ARHGAP35: variants seen among roughly 807,000 people sequenced by gnomAD.
ARHGAP35 encodes Rho GTPase activating protein 35.
ARHGAP35 carries 15 observed loss-of-function variants against 111.1 expected under a neutral mutation model. The ratio of observed to expected loss-of-function variants is 0.13; its 90% CI spans 0.09 to 0.21. The LOEUF (loss-of-function observed/expected upper bound fraction) is 0.21. Ranked by LOEUF, ARHGAP35 falls within the 10% of genes least tolerant of loss-of-function variation. The probability of loss-of-function intolerance (pLI) is 1.00; values close to 1 mark genes in which losing one functional copy is unlikely to be tolerated. For missense variants in ARHGAP35, 1,262 were observed against 1,873.0 expected (o/e 0.67, Z 6.02); for synonymous variants, 643 against 710.3 (o/e 0.91, Z 1.51).
chr19:47,003,913 G>GACACACACAC lies in ARHGAP35; in HGVS notation c.*3229_*3230insACACACACAC, dbSNP rs375875258. The GACACACACAC allele has an allele frequency of 3.2e-4, 39 of 120,396 alleles. No homozygotes were observed. Among genetic ancestry groups the GACACACACAC allele is most frequent in the African/African-American group, 9.7e-4 (31 of 32,044 alleles). The allele number at this position is 120,396 out of a possible 1,614,324, so 7.5% of individuals were successfully genotyped here. A position where few individuals can be genotyped will look rare whatever the true frequency, so the allele number is the denominator to read the frequency against. ...CCCCCGCAGGCCACCAGGCATTCTG[G>GACACACACAC]ACACGCACACACACACACACACACA... On this transcript the variant is annotated 3_prime_UTR_variant, in exon 7 of 7. Transcript: ENST00000672722.
chr19:46,983,420 A>G (rs1012314578), intron 3 of ARHGAP35, among the ~76,000 whole-genome samples: 3 of 152,136 alleles, frequency 2.0e-5, no homozygotes, highest in Non-Finnish European at 4.4e-5. Context: ...CATTTGATAA[A>G]TGGCTTATCA....
At chr19:46,949,855 A>G (rs1446761698) in intron 3 of ARHGAP35, among the ~76,000 whole-genome samples, 1 of 152,220 alleles carries the variant, frequency 6.6e-6, no homozygotes, top group Non-Finnish European at 1.5e-5. Flanking sequence ...TTATTTTGGT[A>G]GCTCCTGTCA....
chr19:46,955,871 T>C (rs561734983), intron 3 of ARHGAP35, among the ~76,000 whole-genome samples: 1 of 152,332 alleles, frequency 6.6e-6, no homozygotes, highest in East Asian at 1.9e-4. Flanking sequence ...TGAGCCTGCA[T>C]ACTACACCCA....
intron 1 of ARHGAP35, among the ~76,000 whole-genome samples, chr19:46,880,051 A>G (rs1371438288): frequency 6.6e-6 from 1 of 152,038 alleles, no homozygotes; most frequent in Non-Finnish European, 1.5e-5. Flanking sequence ...GTGCCACTGC[A>G]CTCCAGCCTG....
chr19:46,919,548 C>A lies in ARHGAP35; in HGVS notation c.873C>A (p.Asn291Lys), dbSNP rs747969604. 1 of 1,613,954 alleles carries A rather than the reference C, an allele frequency of 6.2e-7. No individual in the cohort carries two copies. The highest frequency in any genetic ancestry group is 1.1e-5 in the South Asian group (1 of 91,082). ...GCATTGTGAAAAACCACAATGAGAA[C>A]TGGCTGAGTGTCAGCCGAAAGATGC... Reference protein sequence around the residue: ...VSRIVKNHNENWLSVSRKMQA... With the variant: ...VSRIVKNHNEKWLSVSRKMQA... Residue 291 changes from asparagine to lysine, a missense_variant, in exon 2 of 7, where the codon AAC becomes AAA. By Grantham distance (94) the Asn-to-Lys change is moderately conservative. Coordinates refer to ENST00000672722, the MANE Select transcript of ARHGAP35 (RefSeq NM_004491.5). This position sits in a 1 kb window ranked among gnomAD's most constrained non-coding sequence, Gnocchi z 6.2.
chr19:46,877,928 G>C (rs185861544), intron 1 of ARHGAP35, among the ~76,000 whole-genome samples: 4 of 151,974 alleles, frequency 2.6e-5, no homozygotes, highest in Admixed American at 2.0e-4. Flanking sequence ...AGCTGGTCTC[G>C]AACTCCTGAC....
intron 3 of ARHGAP35, among the ~76,000 whole-genome samples, chr19:46,959,534 G>A (rs2056464450): frequency 6.6e-6 from 1 of 151,526 alleles, no homozygotes; most frequent in Admixed American, 6.6e-5. Context: ...CAAGTAGCTG[G>A]GATTACAGGC....
At chr19:46,873,585 C>T (rs2055899343) in intron 1 of ARHGAP35, among the ~76,000 whole-genome samples, 1 of 148,660 alleles carries the variant, frequency 6.7e-6, no homozygotes, top group South Asian at 2.1e-4. Context: ...TTGCAGTGAG[C>T]TGAGATCGCG....
At chr19:46,874,185 G>A (rs2055903342) in intron 1 of ARHGAP35, among the ~76,000 whole-genome samples, 1 of 152,168 alleles carries the variant, frequency 6.6e-6, no homozygotes, top group Admixed American at 6.5e-5. Flanking sequence ...GAGGATAGAG[G>A]TAGAGGTCTA....
intron 1 of ARHGAP35, among the ~76,000 whole-genome samples, chr19:46,879,799 A>G (rs2055949815): frequency 6.7e-6 from 1 of 149,244 alleles, no homozygotes. Context: ...AAAAAAAAAA[A>G]AAATCGCTGG....
intron 1 of ARHGAP35, among the ~76,000 whole-genome samples, chr19:46,911,682 C>G (rs143310795): frequency 7.2e-5 from 11 of 152,284 alleles, no homozygotes; most frequent in African/African-American, 1.7e-4. Flanking sequence ...AGGGGTATTG[C>G]TTCAGATTCT....
chr19:46,954,369 A>G (rs867187083), intron 3 of ARHGAP35, among the ~76,000 whole-genome samples: 3 of 152,228 alleles, frequency 2.0e-5, no homozygotes, highest in Admixed American at 6.5e-5. Context: ...AGAGTCCTCC[A>G]TCAGGGATCT....
At chr19:46,934,974 T>C (rs529567285) in intron 2 of ARHGAP35, among the ~76,000 whole-genome samples, 2 of 152,346 alleles carry the variant, frequency 1.3e-5, no homozygotes, top group South Asian at 4.1e-4. Flanking sequence ...TGCCCAGCCT[T>C]AAATTCTTTA....
chr19:46,877,666 C>T (rs1306823235), intron 1 of ARHGAP35, among the ~76,000 whole-genome samples: 1 of 152,016 alleles, frequency 6.6e-6, no homozygotes, highest in Non-Finnish European at 1.5e-5. Flanking sequence ...AAGTATATAC[C>T]TTAATTTAAA....
intron 1 of ARHGAP35, among the ~76,000 whole-genome samples, chr19:46,876,794 G>C (rs1187547087): frequency 6.6e-6 from 1 of 152,140 alleles, no homozygotes. Flanking sequence ...TGAGCACGTG[G>C]CTGGACTTGG....
In ARHGAP35 at chr19:46,880,346, C is replaced by T. The variant is rs575354624; in HGVS notation, c.-189+19137C>T. The stretch of plus-strand genomic sequence containing the variant: ...ACTCGGGAGGCTGAGGCAGGAGAAT[C>T]GCTTGAACCCAGGAGGCGGAAGTTG... On this transcript the variant is annotated intron_variant, in intron 1 of 6. Transcript: ENST00000672722. Among the ~76,000 whole-genome samples the T allele has an allele frequency of 7.3e-5, 11 of 151,312 alleles. No individual in the cohort carries two copies. The East Asian group carries it at 1.8e-3, about 24-fold the overall frequency.
rs186062421 is a variant in ARHGAP35 at position 46,922,488 on chromosome 19, A to C, written c.3681+132A>C. On this transcript the variant is annotated intron_variant, in intron 2 of 6. Coordinates refer to ENST00000672722, the MANE Select transcript of ARHGAP35 (RefSeq NM_004491.5). The surrounding 1 kb of genome is among the most constrained non-coding windows in gnomAD (Gnocchi z 4.0). Reference sequence around the variant, plus strand: ...GCCCTGTGTGTGTATTTGACTTAACATAAAAAAGCAGTGCCTCAATTAGCT... The same window carrying C: ...GCCCTGTGTGTGTATTTGACTTAACCTAAAAAAGCAGTGCCTCAATTAGCT... The C allele has an allele frequency of 3.8e-4, 339 of 888,034 alleles. 1 individual carries two copies. In the African/African-American group the frequency reaches 5.1e-3, roughly 13 times the overall value. 55.0% of individuals were successfully genotyped at this position (888,034 alleles called of 1,614,324 possible).
At chr19:46,981,145 TAATGCTCAA>T (rs2122320243) in intron 3 of ARHGAP35, among the ~76,000 whole-genome samples, 1 of 152,342 alleles carries the variant, frequency 6.6e-6, no homozygotes, top group South Asian at 2.1e-4. Context: ...CATTTGAATT[TAATGCTCAA>T]AGAGTTTCCT....
At chr19:46,880,423 T>C (rs1188666914) in intron 1 of ARHGAP35, among the ~76,000 whole-genome samples, 1 of 152,052 alleles carries the variant, frequency 6.6e-6, no homozygotes, top group Non-Finnish European at 1.5e-5. Context: ...CGAGTGAAAC[T>C]CCGTCTCAAA....
Sources: allele counts gnomAD v4.1 joint callset (sites outside exome capture counted in the v4.1 genomes callset), GRCh38; gene constraint gnomAD v4.1.1; non-coding constraint Gnocchi (gnomAD v3.1); transcripts MANE v1.5; gene names NCBI Gene and HGNC (gene_info 2026-07-23, HGNC 2026-07-21).